The following ANK2 variants were observed in gnomAD, a reference collection of about 807,000 sequenced individuals.
ANK2 encodes the protein ankyrin 2.
In ANK2, 83 loss-of-function variants were observed where a neutral mutation model predicts 360.5. The observed-to-expected ratio is 0.23, with a 90% CI of 0.19 to 0.28. ANK2 has a LOEUF of 0.28. Ranked by LOEUF, ANK2 falls within the 10% of genes least tolerant of loss-of-function variation. The probability of loss-of-function intolerance (pLI) is 1.00; values close to 1 mark genes in which losing one functional copy is unlikely to be tolerated. For synonymous variants in ANK2, 1,740 were observed against 1,759.5 expected (o/e 0.99, Z 0.28); for missense variants, 4,201 against 4,795.7 (o/e 0.88, Z 3.66).
the ANK2 span, among the ~76,000 whole-genome samples, chr4:112,719,775 C>T: frequency 2.0e-5 from 3 of 151,282 alleles, no homozygotes; most frequent in African/African-American, 7.3e-5. Context: ...GAGGCCTCTG[C>T]TTGGGGACTT....
At chr4:113,112,527 G>A (rs1004782969) in intron 1 of ANK2, among the ~76,000 whole-genome samples, 6 of 152,138 alleles carry the variant, frequency 3.9e-5, no homozygotes, top group Non-Finnish European at 7.3e-5. Flanking sequence ...CTGCAGTGTG[G>A]CTGCTGCCTG....
chr4:113,369,992 G>A (rs182548755), intron 43 of ANK2, among the ~76,000 whole-genome samples, 187 bp downstream of exon 43: 2 of 152,258 alleles, frequency 1.3e-5, no homozygotes, highest in East Asian at 3.9e-4. Flanking sequence ...AAGAAATGGC[G>A]CACAGTTCCA....
At chr4:113,092,222 G>A (rs1305203279) in intron 1 of ANK2, among the ~76,000 whole-genome samples, 1 of 152,100 alleles carries the variant, frequency 6.6e-6, no homozygotes, top group African/African-American at 2.4e-5. Context: ...AATGGCATCT[G>A]GCCACAGAAT....
the ANK2 span, among the ~76,000 whole-genome samples, chr4:112,751,745 T>A: frequency 3.3e-5 from 5 of 152,074 alleles, no homozygotes; most frequent in East Asian, 1.9e-4. Context: ...ATCTTATCTC[T>A]AAGGTAGGAA....
At chr4:113,038,009 A>G (rs562158611) in intron 2 of ANK2, among the ~76,000 whole-genome samples, 1 of 152,166 alleles carries the variant, frequency 6.6e-6, no homozygotes, top group Non-Finnish European at 1.5e-5. Flanking sequence ...TGCTTGCACT[A>G]CATGTGTCCC....
intron 1 of ANK2, among the ~76,000 whole-genome samples, chr4:113,142,087 G>A (rs1379362329): frequency 6.6e-6 from 1 of 152,090 alleles, no homozygotes; most frequent in Admixed American, 6.5e-5. Flanking sequence ...AAGCATTTTT[G>A]AAAAACAGTG....
intron 1 of ANK2, among the ~76,000 whole-genome samples, chr4:113,053,483 T>C (rs1363330398): frequency 6.6e-6 from 1 of 152,212 alleles, no homozygotes; most frequent in Non-Finnish European, 1.5e-5. Flanking sequence ...AAATGGGGGC[T>C]ATTCTAATTC....
the ANK2 span, among the ~76,000 whole-genome samples, chr4:112,791,140 C>T: frequency 6.6e-6 from 1 of 152,114 alleles, no homozygotes; most frequent in Non-Finnish European, 1.5e-5. Context: ...TAGATATCTC[C>T]TTAAAATAAG....
chr4:113,259,557 C>T (rs1400607579), intron 13 of ANK2, among the ~76,000 whole-genome samples: 2 of 152,002 alleles, frequency 1.3e-5, no homozygotes, highest in East Asian at 3.9e-4. Flanking sequence ...TTATTTAATA[C>T]TCTCTCTTCA....
At chr4:113,130,479 A>G (rs1174397480) in intron 1 of ANK2, among the ~76,000 whole-genome samples, 1 of 152,194 alleles carries the variant, frequency 6.6e-6, no homozygotes, top group Admixed American at 6.6e-5. Context: ...AGTTGAGCAA[A>G]CTGTGATCAA....
At position 113,258,016 on chromosome 4, in the gene ANK2, A is replaced by G. The variant is rs755460815; in HGVS notation, c.1189-34A>G. ...GGAGTTGTGTGAGAATTGTTTCTGC[A>G]TGTTTTCAACTAACTTGATTGTCTT... On this transcript the variant is annotated intron_variant, in intron 11 of 45. Coordinates refer to ENST00000357077, the MANE Select transcript of ANK2 (RefSeq NM_001148.6). 1.5e-5 allele frequency: 24 copies of G among 1,568,968 alleles called. No individual in the cohort carries two copies. In the Middle Eastern group the frequency reaches 5.0e-4, roughly 33 times the overall value.
At chr4:113,157,651 A>G (rs2097351707) in intron 1 of ANK2, among the ~76,000 whole-genome samples, 1 of 152,246 alleles carries the variant, frequency 6.6e-6, no homozygotes, top group Non-Finnish European at 1.5e-5. Context: ...AGATCAGAAC[A>G]TGAGAGTTGA....
chr4:113,214,675 G>T (rs2099066126), intron 4 of ANK2, among the ~76,000 whole-genome samples: 1 of 152,084 alleles, frequency 6.6e-6, no homozygotes, highest in South Asian at 2.1e-4. Context: ...TTTTATGTAT[G>T]AGCATGGTAG....
chr4:113,178,785 G>A (rs1010289915), intron 2 of ANK2, among the ~76,000 whole-genome samples: 8 of 152,052 alleles, frequency 5.3e-5, no homozygotes, highest in Non-Finnish European at 1.2e-4. Flanking sequence ...TGTGAGACAG[G>A]GATTAGTTCA....
rs532427172 is a variant in ANK2 at position 113,187,461 on chromosome 4, A to T, written c.187-8907A>T. ...TTTTTAACAACTCTACTTTTAGTGA[A>T]ATTTTTGCATCTTAAAAAAGACACT... is the stretch of plus-strand genomic sequence containing the variant. On this transcript the variant is annotated intron_variant, in intron 2 of 45. Transcript: ENST00000357077. 4.6e-5 allele frequency among the ~76,000 whole-genome samples: 7 copies of T among 152,282 alleles called. No homozygotes were observed. In the South Asian group the frequency reaches 1.5e-3, roughly 32 times the overall value.
At position 113,342,376 on chromosome 4, in the gene ANK2, T is replaced by C. The variant is rs533918991; in HGVS notation, c.4122+460T>C. 2.7e-5 allele frequency among the ~76,000 whole-genome samples: 4 copies of C among 150,532 alleles called. No homozygotes were observed. In the East Asian group the frequency reaches 7.9e-4, roughly 30 times the overall value. ...CAGTGTAGGTCTTTGGGTGTTGAAG[T>C]CCAGTAACCTGACTCATTGTGATGT... On this transcript the variant is annotated intron_variant, in intron 33 of 45. Coordinates refer to ENST00000357077, the MANE Select transcript of ANK2 (RefSeq NM_001148.6).
At chr4:113,265,971 A>G (rs1483079342) in intron 14 of ANK2, among the ~76,000 whole-genome samples, 1 of 152,136 alleles carries the variant, frequency 6.6e-6, no homozygotes, top group Non-Finnish European at 1.5e-5. Flanking sequence ...TTAAATTATT[A>G]TTATACTTTA....
chr4:113,128,117 TTA>T (rs369692636), intron 1 of ANK2, among the ~76,000 whole-genome samples: 55 of 152,274 alleles, frequency 3.6e-4, no homozygotes, highest in African/African-American at 1.3e-3. Flanking sequence ...TGCAGAGACT[TTA>T]TATGTAAAAA....
At chr4:113,134,922 T>C (rs2096298972) in intron 1 of ANK2, among the ~76,000 whole-genome samples, 1 of 152,194 alleles carries the variant, frequency 6.6e-6, no homozygotes, top group South Asian at 2.1e-4. Flanking sequence ...ATTCTAATTT[T>C]AGACATTAGA....
Sources: gnomAD v4.1 joint callset for allele counts (sites outside exome capture counted in the v4.1 genomes callset) on GRCh38, gnomAD v4.1.1 for gene constraint, MANE v1.5 for transcripts, NCBI Gene and HGNC (gene_info 2026-07-23, HGNC 2026-07-21) for gene names.